Variants in GABRG1 observed in about 807,000 individuals in gnomAD.
GABRG1 encodes the protein gamma-aminobutyric acid receptor subunit gamma-1.
A neutral mutation model predicts 49.8 loss-of-function variants in GABRG1; 49 were observed. The ratio of observed to expected loss-of-function variants is 0.98; its 90% CI spans 0.78 to 1.25. The LOEUF is 1.25. GABRG1 is among the 50% of genes most tolerant of loss of function. The pLI, the probability that GABRG1 is intolerant of heterozygous loss-of-function variation, is 0.00. For synonymous variants in GABRG1, 232 were observed against 185.1 expected (o/e 1.25, Z -2.06); for missense variants, 552 against 552.3 (o/e 1.00, Z 0.01).
At chr4:46,092,230 A>G (rs978931463) in intron 2 of GABRG1, among the ~76,000 whole-genome samples, 1 of 152,080 alleles carries the variant, frequency 6.6e-6, no homozygotes, top group African/African-American at 2.4e-5. Context: ...ATTTATTGGT[A>G]TAAGTTAATT....
At chr4:46,089,813 A>G (rs1202618720) in intron 2 of GABRG1, among the ~76,000 whole-genome samples, 1 of 151,866 alleles carries the variant, frequency 6.6e-6, no homozygotes, top group African/African-American at 2.4e-5. Flanking sequence ...AAATACAGCA[A>G]TTAGCTGTGC....
chr4:46,044,844 C>A (rs576074670), intron 8 of GABRG1, among the ~76,000 whole-genome samples: 1 of 152,188 alleles, frequency 6.6e-6, no homozygotes, highest in Non-Finnish European at 1.5e-5. Flanking sequence ...AACTCTATAA[C>A]TTCTAAAAAA....
intron 1 of GABRG1, among the ~76,000 whole-genome samples, chr4:46,106,504 G>C (rs1478834902): frequency 6.6e-6 from 1 of 151,430 alleles, no homozygotes; most frequent in Non-Finnish European, 1.5e-5. Context: ...TTTTGCATTG[G>C]TAGGAAATGA....
At chr4:46,072,997 A>T (rs1719188424) in intron 3 of GABRG1, among the ~76,000 whole-genome samples, 1 of 151,972 alleles carries the variant, frequency 6.6e-6, no homozygotes, top group South Asian at 2.1e-4. Context: ...AATCTGGCAA[A>T]AGAGTAAAGA....
intron 7 of GABRG1, among the ~76,000 whole-genome samples, chr4:46,052,651 T>C (rs563360161): frequency 5.3e-5 from 8 of 152,032 alleles, no homozygotes; most frequent in Admixed American, 1.3e-4. Context: ...ACCTAAACTT[T>C]CATAATCCTC....
intron 2 of GABRG1, among the ~76,000 whole-genome samples, chr4:46,093,272 CAA>C (rs926012612): frequency 1.3e-5 from 2 of 151,146 alleles, no homozygotes; most frequent in Non-Finnish European, 3.0e-5. Flanking sequence ...CATTCACCCA[CAA>C]AAAAAAGGAT....
rs930104589 is a variant in GABRG1, at chr4:46,036,916, T to C, written c.*4072A>G. The stretch of plus-strand genomic sequence containing the variant: ...TTTATTGTTCTAACCTAACCTTTCA[T>C]TGTCTCTATATGAATCTTAACTTCC... On this transcript the variant is annotated 3_prime_UTR_variant, in exon 9 of 9. Coordinates refer to ENST00000295452, the MANE Select transcript of GABRG1 (RefSeq NM_173536.4). 6.6e-6 allele frequency: 1 copy of C among 151,928 alleles called. No individual in the cohort carries two copies. Among genetic ancestry groups the C allele is most frequent in the Admixed American group, 6.6e-5 (1 of 15,202 alleles). The allele number at this position is 151,928 out of a possible 1,614,324, so 9.4% of individuals were successfully genotyped here. A position where few individuals can be genotyped will look rare whatever the true frequency, so the allele number is the denominator to read the frequency against.
intron 3 of GABRG1, among the ~76,000 whole-genome samples, chr4:46,071,683 C>T (rs987172627): frequency 5.3e-5 from 8 of 150,590 alleles, no homozygotes; most frequent in African/African-American, 2.0e-4. Context: ...ACCATGTAGA[C>T]TAATGTGTAG....
intron 7 of GABRG1, among the ~76,000 whole-genome samples, chr4:46,055,280 A>C (rs1228490756): frequency 3.5e-4 from 2 of 5,752 alleles, no homozygotes; most frequent in Non-Finnish European, 3.4e-4. Context: ...ACCCCATCAA[A>C]AAGTGGGCGA....
In GABRG1 at chr4:46,045,609, A is replaced by T. The variant is rs201418412; in HGVS notation, c.1132-4355T>A. The stretch of plus-strand genomic sequence containing the variant: ...ATGATGGAAAGTTTCTTAAGAAAAG[A>T]AAAAAAGTTTTATCTGCAAAGAATG... On this transcript the variant is annotated intron_variant, in intron 8 of 8. Coordinates refer to ENST00000295452, the MANE Select transcript of GABRG1 (RefSeq NM_173536.4). Among the ~76,000 whole-genome samples, 15 of 38,368 alleles carry T rather than the reference A, an allele frequency of 3.9e-4. No individual in the cohort carries two copies. In the East Asian group the frequency reaches 4.2e-3, roughly 11 times the overall value. The allele number at this position is 38,368 out of a possible 152,430, so 25.2% of individuals were successfully genotyped here.
At chr4:46,100,461 A>C (rs192944470) in intron 1 of GABRG1, among the ~76,000 whole-genome samples, 4 of 111,278 alleles carry the variant, frequency 3.6e-5, no homozygotes, top group Non-Finnish European at 5.5e-5. Flanking sequence ...TGTACCCCTG[A>C]ACTTAAAATA....
At chr4:46,101,725 T>C (rs1251855268) in intron 1 of GABRG1, among the ~76,000 whole-genome samples, 1 of 151,754 alleles carries the variant, frequency 6.6e-6, no homozygotes, top group African/African-American at 2.4e-5. Context: ...TATGATTATA[T>C]AACTTTTTTA....
At chr4:46,041,671 T>TTGA (rs1209096311) in intron 8 of GABRG1, among the ~76,000 whole-genome samples, 1 of 151,992 alleles carries the variant, frequency 6.6e-6, no homozygotes, top group African/African-American at 2.4e-5. Flanking sequence ...AGAAGACATT[T>TTGA]TGATAATGCA....
chr4:46,100,707 G>GAAAA (rs33924854), intron 1 of GABRG1, among the ~76,000 whole-genome samples: 29 of 127,038 alleles, frequency 2.3e-4, no homozygotes, highest in Admixed American at 6.7e-4. Context: ...GAAGATTTTA[G>GAAAA]AAAAAAAAAA....
At chr4:46,056,145 ATAAATT>A (rs1560351313) in intron 7 of GABRG1, among the ~76,000 whole-genome samples, 28 of 17,884 alleles carry the variant, frequency 1.6e-3, no homozygotes, top group Middle Eastern at 0.017. Flanking sequence ...AAATAAATAA[ATAAATT>A]AAAAAAAAAA....
At position 46,097,676 on chromosome 4, in the gene GABRG1, C is replaced by A. The variant is rs184618152; in HGVS notation, c.105-327G>T. The stretch of plus-strand genomic sequence containing the variant: ...CCCCTAAATTTGTATAACATAAAAT[C>A]TGTGCACCCATATGTGGTGACCTTA... On this transcript the variant is annotated intron_variant, in intron 1 of 8. Coordinates refer to ENST00000295452, the MANE Select transcript of GABRG1 (RefSeq NM_173536.4). 2.8e-3 allele frequency among the ~76,000 whole-genome samples: 429 copies of A among 151,648 alleles called. 4 individuals are homozygous for A. The highest frequency in any genetic ancestry group is 0.01 in the African/African-American group (418 of 41,464).
chr4:46,122,978 T>C (rs947585021), intron 1 of GABRG1, among the ~76,000 whole-genome samples: 1 of 152,048 alleles, frequency 6.6e-6, no homozygotes, highest in African/African-American at 2.4e-5. Flanking sequence ...ATTTTATATG[T>C]CTACCAGAAT....
At chr4:46,122,503 C>G (rs919089942) in intron 1 of GABRG1, among the ~76,000 whole-genome samples, 1 of 151,468 alleles carries the variant, frequency 6.6e-6, no homozygotes, top group African/African-American at 2.4e-5. Context: ...ATGTTCGTGT[C>G]AAACATTTAA....
At chr4:46,100,204 A>G (rs1350771384) in intron 1 of GABRG1, among the ~76,000 whole-genome samples, 1 of 151,728 alleles carries the variant, frequency 6.6e-6, no homozygotes, top group Admixed American at 6.6e-5. Context: ...AAATAAGTAC[A>G]TATAAGCTGA....
Sources: allele counts gnomAD v4.1 joint callset (sites outside exome capture counted in the v4.1 genomes callset), GRCh38; gene constraint gnomAD v4.1.1; transcripts MANE v1.5; gene names NCBI Gene and HGNC (gene_info 2026-07-23, HGNC 2026-07-21).